Variants in LINC00305 observed in about 807,000 individuals in gnomAD.
LINC00305 encodes the protein long independently transcribed non-coding RNA 305.
chr18:64,086,414 T>C (rs2051203690), intron 3 of LINC00305, among the ~76,000 whole-genome samples: 1 of 152,206 alleles, frequency 6.6e-6, no homozygotes, highest in Non-Finnish European at 1.5e-5. Flanking sequence ...GATAATTTGA[T>C]AATGTGGATA....
rs532164080 is a variant in LINC00305 at position 64,134,089 on chromosome 18, C to T, written n.314+14686G>A. Among the ~76,000 whole-genome samples the T allele has an allele frequency of 3.1e-4, 47 of 152,222 alleles. 1 individual carries two copies. Among genetic ancestry groups the T allele is most frequent in the African/African-American group, 1.0e-3 (43 of 41,546 alleles). ...AAGATTTTTAATTTCTTTTGTACCA[C>T]GCTAGACTCTTAAATTATGGAAGAT... is the stretch of plus-strand genomic sequence containing the variant. On this transcript the variant is annotated intron_variant and non_coding_transcript_variant, in intron 1 of 3. Coordinates refer to ENST00000666468, the Ensembl canonical transcript of LINC00305.
chr18:64,087,935 C>CAAA (rs57249097), intron 3 of LINC00305, among the ~76,000 whole-genome samples: 1 of 147,946 alleles, frequency 6.8e-6, no homozygotes, highest in African/African-American at 2.5e-5. Context: ...CCCAAAACTA[C>CAAA]AAAAAAAAAC....
At chr18:64,142,431 G>A (rs1250644981) in intron 1 of LINC00305, among the ~76,000 whole-genome samples, 1 of 152,176 alleles carries the variant, frequency 6.6e-6, no homozygotes, top group Non-Finnish European at 1.5e-5. Flanking sequence ...ATTTACCAGA[G>A]GATTGTGAGC....
chr18:64,090,751 T>C, intron 3 of LINC00305, among the ~76,000 whole-genome samples: 1 of 152,354 alleles, frequency 6.6e-6, no homozygotes, highest in Middle Eastern at 3.4e-3. Flanking sequence ...AAAATAAAAA[T>C]GTAAATTATC....
exon 2 of LINC00305, chr18:64,098,639 T>C (rs563097768): frequency 4.7e-6 from 2 of 429,854 alleles, no homozygotes; most frequent in East Asian, 7.2e-5. Context: ...ATAATTTCCA[T>C]CCTGCAAGTG....
intron 1 of LINC00305, among the ~76,000 whole-genome samples, chr18:64,145,608 G>A (rs2051493766): frequency 6.6e-6 from 1 of 152,180 alleles, no homozygotes; most frequent in Non-Finnish European, 1.5e-5. Context: ...TGGAGACAGG[G>A]TTTCAACATG....
At chr18:64,099,191 C>T (rs527289805) in intron 1 of LINC00305, among the ~76,000 whole-genome samples, 14 of 152,136 alleles carry the variant, frequency 9.2e-5, no homozygotes, top group African/African-American at 3.4e-4. Context: ...ATGCTATATA[C>T]CTGGAAACAT....
At chr18:64,140,864 G>C (rs1311317780) in intron 1 of LINC00305, among the ~76,000 whole-genome samples, 1 of 151,958 alleles carries the variant, frequency 6.6e-6, no homozygotes, top group African/African-American at 2.4e-5. Flanking sequence ...CATGGAGAGA[G>C]ATGTGACCAG....
chr18:64,093,354 G>C (rs1449342760), intron 3 of LINC00305, among the ~76,000 whole-genome samples: 2 of 151,832 alleles, frequency 1.3e-5, no homozygotes, highest in Admixed American at 6.6e-5. Context: ...TTATTTTTTT[G>C]AGATGGAGTC....
chr18:64,110,537 A>T (rs1171981486), intron 1 of LINC00305, among the ~76,000 whole-genome samples: 1 of 152,182 alleles, frequency 6.6e-6, no homozygotes, highest in African/African-American at 2.4e-5. Context: ...GGGGGTATAA[A>T]TGGGACATTT....
chr18:64,136,906 C>CATGAGA (rs58284383), intron 1 of LINC00305, among the ~76,000 whole-genome samples: 1 of 152,106 alleles, frequency 6.6e-6, no homozygotes, highest in African/African-American at 2.4e-5. Flanking sequence ...TTACGTAAGA[C>CATGAGA]ATGAAGGATA....
At chr18:64,141,642 A>T (rs1200638668) in intron 1 of LINC00305, among the ~76,000 whole-genome samples, 1 of 151,970 alleles carries the variant, frequency 6.6e-6, no homozygotes, top group Non-Finnish European at 1.5e-5. Flanking sequence ...TGTATGTGGT[A>T]AAAAAGTCAT....
At chr18:64,119,809 C>A (rs1271941786) in intron 1 of LINC00305, among the ~76,000 whole-genome samples, 1 of 152,056 alleles carries the variant, frequency 6.6e-6, no homozygotes, top group Non-Finnish European at 1.5e-5. Context: ...ACCTCAAAGA[C>A]CGATCTGCTC....
intron 1 of LINC00305, among the ~76,000 whole-genome samples, chr18:64,122,296 T>C (rs8088572): frequency 0.26 from 40,253 of 151,946 alleles, 5,484 homozygotes; most frequent in Middle Eastern, 0.4. Context: ...GGTTTTCTTC[T>C]AGTGTTTTTT....
intron 1 of LINC00305, among the ~76,000 whole-genome samples, chr18:64,124,261 G>C (rs1388203369): frequency 3.3e-5 from 5 of 152,082 alleles, no homozygotes; most frequent in Admixed American, 6.6e-5. Context: ...AACCTAGCTG[G>C]TTGAATGTAA....
At chr18:64,108,299 G>A (rs925766795) in intron 1 of LINC00305, among the ~76,000 whole-genome samples, 4 of 152,176 alleles carry the variant, frequency 2.6e-5, no homozygotes, top group African/African-American at 9.7e-5. Flanking sequence ...ATGGCTTGGG[G>A]TGCTTGGAAA....
chr18:64,088,204 A>T (rs1167482640), intron 3 of LINC00305, among the ~76,000 whole-genome samples: 2 of 152,138 alleles, frequency 1.3e-5, no homozygotes, highest in African/African-American at 4.8e-5. Context: ...GTCATGGAAG[A>T]CTTGCTAAAT....
At chr18:64,110,314 C>T (rs2051309668) in intron 1 of LINC00305, among the ~76,000 whole-genome samples, 1 of 152,192 alleles carries the variant, frequency 6.6e-6, no homozygotes, top group South Asian at 2.1e-4. Flanking sequence ...TTATTAGTTG[C>T]ATTTTTCTGA....
intron 1 of LINC00305, among the ~76,000 whole-genome samples, chr18:64,141,464 A>G (rs928386152): frequency 6.6e-6 from 1 of 152,196 alleles, no homozygotes; most frequent in African/African-American, 2.4e-5. Flanking sequence ...TACTTAAAAG[A>G]TAATCGTTGT....
Sources: allele counts gnomAD v4.1 joint callset (sites outside exome capture counted in the v4.1 genomes callset), GRCh38; gene constraint gnomAD v4.1.1; transcripts MANE v1.5; gene names NCBI Gene and HGNC (gene_info 2026-07-23, HGNC 2026-07-21).